Variants in SULF2 observed in about 807,000 individuals in gnomAD.
The protein encoded by SULF2 is sulfatase 2.
In SULF2, 52 loss-of-function variants were observed where a neutral mutation model predicts 107.7. The ratio of observed to expected loss-of-function variants is 0.48; its 90% CI spans 0.39 to 0.61. The LOEUF is 0.61. Among genes scored for constraint, SULF2 ranks in the 20% least tolerant of loss-of-function variants. SULF2 has a pLI of 0.00. For synonymous variants in SULF2, 460 were observed against 464.3 expected, an observed-to-expected ratio of 0.99 and a Z score of 0.12; for missense variants, 993 against 1,177.3, an observed-to-expected ratio of 0.84 and a Z score of 2.29.
At chr20:47,711,493 C>T (rs1371467870) in intron 3 of SULF2, among the ~76,000 whole-genome samples, 1 of 152,192 alleles carries the variant, frequency 6.6e-6, no homozygotes, top group Non-Finnish European at 1.5e-5. Context: ...CCGCTGCTTT[C>T]GGAGGACTTT....
chr20:47,767,448 C>G (rs2090548106), intron 1 of SULF2, among the ~76,000 whole-genome samples: 1 of 151,958 alleles, frequency 6.6e-6, no homozygotes, highest in African/African-American at 2.4e-5. Context: ...AGTTTGAGAT[C>G]AGCTTAGCCA....
At position 47,678,371 on chromosome 20, in the gene SULF2, C is replaced by G. The variant is rs1267053644; in HGVS notation, c.1193+305G>C. The G allele has an allele frequency of 3.1e-6, 1 of 326,980 alleles. No homozygotes were observed. The highest frequency in any genetic ancestry group is 6.1e-5 in the East Asian group (1 of 16,464). 20.3% of individuals were successfully genotyped at this position (326,980 alleles called of 1,614,324 possible). The stretch of plus-strand genomic sequence containing the variant: ...AGTACTTAGAATAGGGCCTCACACA[C>G]AAGCGCCGTGCAGTTAGCACCATCT... On this transcript the variant is annotated intron_variant, in intron 8 of 20. Coordinates refer to ENST00000688720, the MANE Select transcript of SULF2 (RefSeq NM_001387048.1). The surrounding 1 kb of genome is among the most constrained non-coding windows in gnomAD (Gnocchi z 4.5).
chr20:47,690,260 C>A lies in SULF2; in HGVS notation c.603G>T (p.Val201=). Residue 201 remains valine, a synonymous_variant, in exon 5 of 21, where the codon GTG becomes GTT. Transcript: ENST00000688720. ...YLTDLITNDS[V]SFFRTSKKMY... is the part of the protein sequence containing the mutation. ...TCTTCTTGGACGTGCGGAAGAAGCT[C>A]ACGCTGTCATTGGTGATGAGGTCTG... 1 of 1,555,042 alleles carries A rather than the reference C, an allele frequency of 6.4e-7. No homozygotes were observed. The highest frequency in any genetic ancestry group is 8.7e-7 in the Non-Finnish European group (1 of 1,146,648).
chr20:47,779,761 C>T (rs35360487), intron 1 of SULF2, among the ~76,000 whole-genome samples: 8,699 of 152,094 alleles, frequency 0.057, 304 homozygotes, highest in Admixed American at 0.088. Flanking sequence ...TGTGCGCCAC[C>T]GTGCCTGGCT....
rs397837137 is a variant in SULF2, at chr20:47,742,927, A to AT, written c.176-5986dup. On this transcript the variant is annotated intron_variant, in intron 2 of 20. Coordinates refer to ENST00000688720, the MANE Select transcript of SULF2 (RefSeq NM_001387048.1). Reference sequence around the variant, plus strand: ...AGGGAGTTTCAGGATTCAAAACATGATTTTTTTTTTTTTTTTTTTTTTTTT... The same window carrying AT: ...AGGGAGTTTCAGGATTCAAAACATGATTTTTTTTTTTTTTTTTTTTTTTTTT... 4.0e-3 allele frequency among the ~76,000 whole-genome samples: 402 copies of AT among 99,422 alleles called. 19 individuals carry two copies. The highest frequency in any genetic ancestry group is 5.5e-3 in the Non-Finnish European group (280 of 50,764). 65.2% of individuals were successfully genotyped at this position (99,422 alleles called of 152,430 possible).
chr20:47,700,001 A>G (rs1161104181), intron 4 of SULF2, among the ~76,000 whole-genome samples: 1 of 152,130 alleles, frequency 6.6e-6, no homozygotes, highest in Non-Finnish European at 1.5e-5. Flanking sequence ...GACTGGTGGC[A>G]GTGGGGATGG....
intron 5 of SULF2, chr20:47,684,839 G>A: frequency 5.4e-6 from 2 of 372,104 alleles, no homozygotes; most frequent in Non-Finnish European, 9.6e-6. Context: ...GAGTGACAAA[G>A]TGAGACAGCC....
chr20:47,704,672 C>G (rs1421033131), intron 3 of SULF2, among the ~76,000 whole-genome samples: 1 of 152,220 alleles, frequency 6.6e-6, no homozygotes, highest in African/African-American at 2.4e-5. Flanking sequence ...TCGTCTCTTT[C>G]TAGATGAGGA....
intron 1 of SULF2, among the ~76,000 whole-genome samples, chr20:47,774,193 C>A (rs1348911248): frequency 2.0e-5 from 3 of 152,260 alleles, no homozygotes; most frequent in Non-Finnish European, 4.4e-5. Flanking sequence ...ATGTGGCTTG[C>A]TGTGCAATCT....
chr20:47,658,113 A>C lies in SULF2; in HGVS notation c.*249T>G. 7.6e-6 allele frequency: 4 copies of C among 526,946 alleles called. No individual in the cohort carries two copies. The East Asian group carries it at 1.2e-4, about 16-fold the overall frequency. 32.6% of individuals were successfully genotyped at this position (526,946 alleles called of 1,614,324 possible). ...TAGTGGTGACTTTTTGATACGAAAA[A>C]ATGCATTTTGTGCAGCTGGTGAGGT... On this transcript the variant is annotated 3_prime_UTR_variant, in exon 21 of 21. Coordinates refer to ENST00000688720, the MANE Select transcript of SULF2 (RefSeq NM_001387048.1).
At chr20:47,699,778 T>G (rs2146585853) in intron 4 of SULF2, among the ~76,000 whole-genome samples, 1 of 152,254 alleles carries the variant, frequency 6.6e-6, no homozygotes, top group South Asian at 2.1e-4. Context: ...AGGTAAAAAA[T>G]ACAAATTTGT....
At chr20:47,751,242 G>T (rs2090152007) in intron 2 of SULF2, among the ~76,000 whole-genome samples, 1 of 152,202 alleles carries the variant, frequency 6.6e-6, no homozygotes, top group African/African-American at 2.4e-5. Context: ...TCTCTAACTG[G>T]ACTGCACACC....
intron 10 of SULF2, among the ~76,000 whole-genome samples, chr20:47,673,112 C>T (rs572263258): frequency 2.6e-5 from 4 of 152,320 alleles, no homozygotes; most frequent in East Asian, 1.9e-4. Flanking sequence ...GATCCTTCTG[C>T]TCTTCCCCAG....
rs2146480800 is a variant in SULF2 at position 47,678,504 on chromosome 20, A to G, written c.1193+172T>C. On this transcript the variant is annotated intron_variant, in intron 8 of 20. Transcript: ENST00000688720. This position sits in a 1 kb window ranked among gnomAD's most constrained non-coding sequence, Gnocchi z 4.5. ...TCCAGATGGGAAGACAGAATCTCGG[A>G]GAGGGGACCATGCTTCTCTCCCACA... The G allele has an allele frequency of 4.9e-6, 3 of 608,422 alleles. No individual in the cohort carries two copies. The highest frequency in any genetic ancestry group is 5.8e-5 in the East Asian group (2 of 34,394). 37.7% of individuals were successfully genotyped at this position (608,422 alleles called of 1,614,324 possible).
At chr20:47,757,744 G>C (rs1390538283) in intron 1 of SULF2, among the ~76,000 whole-genome samples, 1 of 152,018 alleles carries the variant, frequency 6.6e-6, no homozygotes, top group Admixed American at 6.6e-5. Context: ...CCCAAGACCC[G>C]AGTCAGATAA....
At chr20:47,769,851 G>A (rs1341860752) in intron 1 of SULF2, among the ~76,000 whole-genome samples, 2 of 152,060 alleles carry the variant, frequency 1.3e-5, no homozygotes, top group African/African-American at 2.4e-5. Flanking sequence ...ATGACAGTTG[G>A]GTGGATCCCT....
chr20:47,702,063 CTT>C (rs948222266), intron 4 of SULF2, among the ~76,000 whole-genome samples: 1 of 152,162 alleles, frequency 6.6e-6, no homozygotes, highest in African/African-American at 2.4e-5. Flanking sequence ...ATACATTTTT[CTT>C]TTCTTTTTTA....
intron 3 of SULF2, among the ~76,000 whole-genome samples, chr20:47,732,968 C>G (rs750420317): frequency 3.9e-5 from 6 of 152,188 alleles, no homozygotes; most frequent in Non-Finnish European, 7.3e-5. Context: ...TATTCATGAA[C>G]AAATTGATAT....
At chr20:47,747,766 C>T (rs1220629083) in intron 2 of SULF2, among the ~76,000 whole-genome samples, 1 of 152,046 alleles carries the variant, frequency 6.6e-6, no homozygotes, top group Non-Finnish European at 1.5e-5. Flanking sequence ...CCCCCGCCTT[C>T]CCATCTCTGT....
Sources: gnomAD v4.1 joint callset for allele counts (sites outside exome capture counted in the v4.1 genomes callset) on GRCh38, gnomAD v4.1.1 for gene constraint, Gnocchi (gnomAD v3.1) non-coding constraint, MANE v1.5 for transcripts, NCBI Gene and HGNC (gene_info 2026-07-23, HGNC 2026-07-21) for gene names.